MBD5: variants seen among roughly 807,000 people sequenced by gnomAD.
MBD5 encodes methyl-CpG-binding domain protein 5.
In MBD5, 13 loss-of-function variants were observed where a neutral mutation model predicts 117.3. The observed-to-expected ratio is 0.11, with a 90% confidence interval of 0.07 to 0.18. MBD5 has a LOEUF of 0.18. Ranked by LOEUF, MBD5 falls within the 10% of genes least tolerant of loss-of-function variation. The pLI is 1.00. For missense variants in MBD5, 1,879 were observed against 2,093.8 expected, an observed-to-expected ratio of 0.90 and a Z score of 2.00; for synonymous variants, 727 against 766.4, an observed-to-expected ratio of 0.95 and a Z score of 0.85.
intron 3 of MBD5, among the ~76,000 whole-genome samples, chr2:148,329,281 A>C (rs1019343398): frequency 1.3e-5 from 2 of 152,236 alleles, no homozygotes; most frequent in Non-Finnish European, 2.9e-5. Flanking sequence ...AAAGAAAAGA[A>C]GTGCCAGTCA....
chr2:148,496,535 A>G (rs1449807702), intron 11 of MBD5, among the ~76,000 whole-genome samples: 2 of 152,226 alleles, frequency 1.3e-5, no homozygotes, highest in Non-Finnish European at 2.9e-5. Context: ...ATATAATTTC[A>G]GATAGGAAGC....
chr2:148,180,448 C>T (rs1254111551), intron 2 of MBD5, among the ~76,000 whole-genome samples: 1 of 150,564 alleles, frequency 6.6e-6, no homozygotes, highest in African/African-American at 2.4e-5. Flanking sequence ...GCAATCCTCC[C>T]ACCTCAGCCT....
At chr2:148,073,144 C>T (rs1015396171) in intron 1 of MBD5, among the ~76,000 whole-genome samples, 3 of 151,928 alleles carry the variant, frequency 2.0e-5, no homozygotes, top group Non-Finnish European at 1.5e-5. Flanking sequence ...GTGAGTTTCT[C>T]GCTGTGATGT....
chr2:148,474,014 CA>C (rs2105677598), intron 8 of MBD5, among the ~76,000 whole-genome samples: 1 of 152,246 alleles, frequency 6.6e-6, no homozygotes, highest in East Asian at 1.9e-4. Context: ...TTGGATCTGG[CA>C]GCCAAATCCC....
At chr2:148,215,688 ATTTTTTTTT>A (rs66589231) in intron 2 of MBD5, among the ~76,000 whole-genome samples, 4 of 132,028 alleles carry the variant, frequency 3.0e-5, no homozygotes, top group Non-Finnish European at 4.9e-5. Flanking sequence ...TGCCCGGCTA[ATTTTTTTTT>A]TTTTTTTTTT....
chr2:148,093,059 A>G (rs1695982497), intron 1 of MBD5, among the ~76,000 whole-genome samples: 2 of 151,930 alleles, frequency 1.3e-5, no homozygotes, highest in Admixed American at 1.3e-4. Context: ...GTGGGATTAC[A>G]TGCCACCACG....
chr2:148,099,762 A>G (rs1696158310), intron 1 of MBD5, among the ~76,000 whole-genome samples: 1 of 152,176 alleles, frequency 6.6e-6, no homozygotes. Context: ...ACTCCAGTTT[A>G]TCTTTGTTCA....
At chr2:148,119,641 T>C (rs1696719605) in intron 1 of MBD5, among the ~76,000 whole-genome samples, 1 of 152,218 alleles carries the variant, frequency 6.6e-6, no homozygotes. Flanking sequence ...TTGTAGCTCT[T>C]ACATAAAGGT....
Position 148,490,224 on chromosome 2 carries a change from G to T in MBD5, c.4592G>T (p.Ser1531Ile), listed in dbSNP as rs750493021. The change falls in exon 11 of 14, where the codon AGT becomes ATT. Residue 1531 changes from serine to isoleucine, a missense_variant. Physicochemically the swap from Ser to Ile is moderately radical, Grantham distance 142. Transcript: ENST00000642680. The stretch of plus-strand genomic sequence containing the variant: ...ATAAATGGGAATAGACCTCGACAGA[G>T]TCGGGGATTTGGAGAGCTGCTAAGC... The part of the protein sequence containing the change: ...AHINGNRPRQ[S>I]RGFGELLSTA... 3 of 1,614,112 alleles carry T rather than the reference G, an allele frequency of 1.9e-6. No individual in the cohort carries two copies. The highest frequency in any genetic ancestry group is 3.3e-5 in the Admixed American group (2 of 60,006).
intron 1 of MBD5, among the ~76,000 whole-genome samples, chr2:148,124,878 G>T (rs137898761): frequency 9.5e-4 from 143 of 150,662 alleles, no homozygotes; most frequent in African/African-American, 3.4e-3. Flanking sequence ...TATACATAAA[G>T]AATAAAAATA....
chr2:148,068,053 G>C (rs1311865292), intron 1 of MBD5, among the ~76,000 whole-genome samples: 1 of 152,216 alleles, frequency 6.6e-6, no homozygotes, highest in Non-Finnish European at 1.5e-5. Context: ...TGACTTATAA[G>C]TGGACATGTC....
intron 10 of MBD5, among the ~76,000 whole-genome samples, chr2:148,486,512 T>G (rs1380749738): frequency 6.6e-6 from 1 of 152,140 alleles, no homozygotes; most frequent in Non-Finnish European, 1.5e-5. Context: ...GATAAAAATT[T>G]AAAATCTCTG....
chr2:148,509,921 T>A (rs1682166130), intron 12 of MBD5, 139 bp from the exon 13 acceptor site: 5 of 693,326 alleles, frequency 7.2e-6, no homozygotes, highest in Non-Finnish European at 1.3e-5. Context: ...AGTGATGTTT[T>A]GTCATCTGAA....
At chr2:148,332,179 TTATTATCTCC>T (rs1405913077) in intron 3 of MBD5, among the ~76,000 whole-genome samples, 1 of 152,138 alleles carries the variant, frequency 6.6e-6, no homozygotes, top group Non-Finnish European at 1.5e-5. Context: ...TTAGATCTCT[TTATTATCTCC>T]TACCCTACTG....
intron 11 of MBD5, among the ~76,000 whole-genome samples, chr2:148,492,964 C>G (rs1384850526): frequency 1.3e-5 from 2 of 151,112 alleles, no homozygotes; most frequent in African/African-American, 4.9e-5. Flanking sequence ...TGTAGAACTC[C>G]TTAATGCCCA....
intron 4 of MBD5, among the ~76,000 whole-genome samples, chr2:148,398,869 A>G (rs1304575510): frequency 1.3e-5 from 2 of 152,176 alleles, no homozygotes; most frequent in African/African-American, 4.8e-5. Context: ...CTTTCTACAT[A>G]TGGCTAGCCA....
chr2:148,123,968 G>T (rs1043333878), intron 1 of MBD5, among the ~76,000 whole-genome samples: 1 of 152,122 alleles, frequency 6.6e-6, no homozygotes, highest in Non-Finnish European at 1.5e-5. Flanking sequence ...TTAATTTCAA[G>T]AACATCTCAT....
intron 1 of MBD5, among the ~76,000 whole-genome samples, chr2:148,033,850 G>T (rs1233419024): frequency 6.6e-6 from 1 of 152,136 alleles, no homozygotes; most frequent in Non-Finnish European, 1.5e-5. Context: ...AAGAACTATA[G>T]AATTTAGAGC....
chr2:148,100,855 C>T (rs549202191), intron 1 of MBD5, among the ~76,000 whole-genome samples: 24 of 152,292 alleles, frequency 1.6e-4, no homozygotes, highest in Non-Finnish European at 2.9e-4. Context: ...ATACAACTTA[C>T]TTCCCCTCTC....
Sources: allele counts gnomAD v4.1 joint callset (sites outside exome capture counted in the v4.1 genomes callset), GRCh38; gene constraint gnomAD v4.1.1; transcripts MANE v1.5; gene names NCBI Gene and HGNC (gene_info 2026-07-23, HGNC 2026-07-21).